MTHFD1L: variants seen among roughly 807,000 people sequenced by gnomAD.
MTHFD1L encodes the protein methylenetetrahydrofolate dehydrogenase (NADP+ dependent) 1 like, also known as monofunctional C1-tetrahydrofolate synthase, mitochondrial.
In MTHFD1L, 81 loss-of-function variants were observed where a neutral mutation model predicts 119.5. The observed-to-expected ratio is 0.68, with a 90% confidence interval of 0.57 to 0.82. MTHFD1L has a LOEUF of 0.82. Among genes scored for constraint, MTHFD1L ranks in the 40% least tolerant of loss-of-function variants. The pLI is 0.00. For synonymous variants in MTHFD1L, 430 were observed against 475.2 expected (o/e 0.90, Z 1.24); for missense variants, 1,125 against 1,253.4 (o/e 0.90, Z 1.55).
chr6:150,889,042 C>T (rs569820850), intron 7 of MTHFD1L, among the ~76,000 whole-genome samples: 41 of 152,078 alleles, frequency 2.7e-4, no homozygotes, highest in African/African-American at 6.7e-4. Context: ...CCGGGCGTGT[C>T]GGCGCAAGCC....
chr6:151,018,649 G>A (rs566850287), intron 24 of MTHFD1L, among the ~76,000 whole-genome samples: 1 of 152,280 alleles, frequency 6.6e-6, no homozygotes, highest in South Asian at 2.1e-4. Flanking sequence ...GCTAAGTACT[G>A]TGCTCAAAAG....
At chr6:151,056,605 C>T (rs17457861) in intron 26 of MTHFD1L, among the ~76,000 whole-genome samples, 4,894 of 152,270 alleles carry the variant, frequency 0.032, 156 homozygotes, top group Admixed American at 0.099. Flanking sequence ...TGTTCTATAA[C>T]GTCGTGTTCT....
intron 26 of MTHFD1L, chr6:151,041,634 C>A: frequency 2.8e-6 from 1 of 356,622 alleles, no homozygotes. Flanking sequence ...GCACGCAGGG[C>A]CATCAGCCCC....
At chr6:151,064,128 ATG>A (rs201540393) in intron 26 of MTHFD1L, among the ~76,000 whole-genome samples, 4,922 of 152,338 alleles carry the variant, frequency 0.032, 160 homozygotes, top group Admixed American at 0.1. Flanking sequence ...TGGAGAATCA[ATG>A]AACTTTAAAT....
chr6:151,019,870 G>T (rs541900), intron 24 of MTHFD1L, among the ~76,000 whole-genome samples: 42,752 of 151,874 alleles, frequency 0.28, 8,475 homozygotes, highest in East Asian at 0.67. Flanking sequence ...TCTTTGCCCC[G>T]GATTTCTTGC....
At position 150,913,306 on chromosome 6, in the gene MTHFD1L, G is replaced by A. The variant is rs183736406; in HGVS notation, c.893-5271G>A. ...CTCCCGAGTATCTGGGACTAAAGGC[G>A]CCCGCCACCACGCCCGGCTAGTTTT... On this transcript the variant is annotated intron_variant, in intron 8 of 27. Coordinates refer to ENST00000367321, the MANE Select transcript of MTHFD1L (RefSeq NM_015440.5). Among the ~76,000 whole-genome samples the A allele has an allele frequency of 4.4e-3, 664 of 149,508 alleles. 1 individual carries two copies. The highest frequency in any genetic ancestry group is 0.015 in the African/African-American group (615 of 40,304).
rs908417383 is a variant in MTHFD1L, at chr6:150,865,919, AGCGGCG to A, written c.105_110del (p.Gly41_Gly42del). ...CCTCCGTGTGCCCTGTCGCGCTAGC[AGCGGCG>A]GCGGCGGAGGCGGCGGCGGTGGCCG... On this transcript the variant is annotated inframe_deletion, in exon 1 of 28. Transcript: ENST00000367321. 1.8e-5 allele frequency: 22 copies of A among 1,197,914 alleles called. No homozygotes were observed. The Admixed American group carries it at 5.0e-4, about 27-fold the overall frequency. 74.2% of individuals were successfully genotyped at this position (1,197,914 alleles called of 1,614,324 possible).
intron 24 of MTHFD1L, chr6:151,021,925 G>A: frequency 2.2e-6 from 1 of 446,308 alleles, no homozygotes. Flanking sequence ...AATCATCTCT[G>A]TATCCTTCCT....
At chr6:151,088,002 T>G (rs896087899) in intron 26 of MTHFD1L, 1 of 152,216 alleles carries the variant, frequency 6.6e-6, no homozygotes, top group Non-Finnish European at 1.5e-5. Flanking sequence ...AGATCTCCAC[T>G]GACCCCAGGC....
chr6:150,920,489 A>T (rs912106130), intron 9 of MTHFD1L, among the ~76,000 whole-genome samples: 2 of 152,196 alleles, frequency 1.3e-5, no homozygotes, highest in Non-Finnish European at 2.9e-5. Context: ...CATTTTTGTA[A>T]GGATTATAAG....
At chr6:151,040,045 C>T (rs540950626) in intron 26 of MTHFD1L, among the ~76,000 whole-genome samples, 6 of 152,258 alleles carry the variant, frequency 3.9e-5, no homozygotes, top group Non-Finnish European at 8.8e-5. Context: ...GATAAGAGGG[C>T]GGCTGGACAG....
intron 26 of MTHFD1L, among the ~76,000 whole-genome samples, chr6:151,064,475 G>A (rs753511051): frequency 3.9e-5 from 6 of 151,934 alleles, no homozygotes; most frequent in Non-Finnish European, 7.4e-5. Context: ...CACTGCATCC[G>A]GCTAATGTTT....
chr6:151,089,900 A>G (rs1355841003), intron 26 of MTHFD1L, among the ~76,000 whole-genome samples: 2 of 152,328 alleles, frequency 1.3e-5, no homozygotes, highest in East Asian at 3.9e-4. Context: ...AAGTTTTAAC[A>G]TATAGCAAGT....
At chr6:151,028,607 A>G (rs1445379299) in intron 24 of MTHFD1L, among the ~76,000 whole-genome samples, 6 of 152,198 alleles carry the variant, frequency 3.9e-5, no homozygotes, top group Non-Finnish European at 7.3e-5. Context: ...GAGCCGTCAC[A>G]TTCATAGACA....
intron 26 of MTHFD1L, among the ~76,000 whole-genome samples, chr6:151,089,238 T>C (rs1794144626): frequency 6.6e-6 from 1 of 152,236 alleles, no homozygotes; most frequent in Admixed American, 6.5e-5. Flanking sequence ...TTCATTTCTT[T>C]TTCTTAAACT....
At chr6:150,887,455 A>C (rs1194981672) in intron 6 of MTHFD1L, among the ~76,000 whole-genome samples, 1 of 152,098 alleles carries the variant, frequency 6.6e-6, no homozygotes, top group Non-Finnish European at 1.5e-5. Context: ...TCAAGTTTTA[A>C]AAGGGTTTTT....
intron 24 of MTHFD1L, among the ~76,000 whole-genome samples, chr6:151,029,282 G>A (rs1035593617): frequency 4.6e-5 from 7 of 151,292 alleles, no homozygotes; most frequent in East Asian, 2.0e-4. Flanking sequence ...TTAGCCAGGC[G>A]TGGTGGCGGG....
intron 27 of MTHFD1L, among the ~76,000 whole-genome samples, chr6:151,093,612 C>T (rs530753649): frequency 2.0e-5 from 3 of 152,034 alleles, no homozygotes; most frequent in South Asian, 2.1e-4. Flanking sequence ...GCTGAGATTG[C>T]GCCACTGCAC....
intron 16 of MTHFD1L, among the ~76,000 whole-genome samples, chr6:150,950,559 C>A (rs1461112384): frequency 6.6e-6 from 1 of 152,236 alleles, no homozygotes; most frequent in African/African-American, 2.4e-5. Flanking sequence ...TTCCAGCTGC[C>A]TTGCTGGGAG....
Sources: allele counts gnomAD v4.1 joint callset (sites outside exome capture counted in the v4.1 genomes callset), GRCh38; gene constraint gnomAD v4.1.1; transcripts MANE v1.5; gene names NCBI Gene and HGNC (gene_info 2026-07-23, HGNC 2026-07-21).